Variants in LEPROT observed in about 807,000 individuals in gnomAD.
LEPROT encodes leptin receptor gene-related protein.
In LEPROT, 3 loss-of-function variants were observed where a neutral mutation model predicts 15.4. That is an observed-to-expected ratio of 0.19 (90% CI 0.09 to 0.50). The LOEUF is 0.50. LEPROT is among the 20% of genes least tolerant of loss of function. The pLI, the probability that LEPROT is intolerant of heterozygous loss-of-function variation, is 0.97. For synonymous variants in LEPROT, 59 were observed against 57.5 expected, an observed-to-expected ratio of 1.03 and a Z score of -0.12; for missense variants, 137 against 162.2, an observed-to-expected ratio of 0.84 and a Z score of 0.84.
chr1:65,425,256 A>G (rs750509668), intron 1 of LEPROT, 47 bp from the exon 2 acceptor site: 5 of 1,554,112 alleles, frequency 3.2e-6, no homozygotes, highest in Non-Finnish European at 8.9e-7. Flanking sequence ...CTAGTGCCTG[A>G]CAACCTCTAC....
At chr1:65,426,013 G>C (rs187169522) in intron 2 of LEPROT, among the ~76,000 whole-genome samples, 6 of 152,182 alleles carry the variant, frequency 3.9e-5, no homozygotes, top group African/African-American at 1.4e-4. Flanking sequence ...GTGTTTCAGT[G>C]GGGGAGACGG....
chr1:65,426,173 A>G (rs369762127), intron 2 of LEPROT, among the ~76,000 whole-genome samples: 1 of 152,206 alleles, frequency 6.6e-6, no homozygotes, highest in Non-Finnish European at 1.5e-5. Context: ...CAAGCAGGCC[A>G]TACAGATCTC....
rs888114647 is a variant in LEPROT, at chr1:65,434,977, G to A, written c.*3058G>A. The A allele has an allele frequency of 8.1e-6, 8 of 985,372 alleles. No individual in the cohort carries two copies. The African/African-American group carries it at 8.7e-5, about 11-fold the overall frequency. The allele number at this position is 985,372 out of a possible 1,614,324, so 61.0% of individuals were successfully genotyped here. On this transcript the variant is annotated 3_prime_UTR_variant, in exon 4 of 4. Coordinates refer to ENST00000371065, the MANE Select transcript of LEPROT (RefSeq NM_017526.5). ...TTCCTTTTGACACCTGCATTGGGCCGACTGCCATTCCCATGACTGCTGCAC... is the reference window on the plus strand; with the variant it reads ...TTCCTTTTGACACCTGCATTGGGCCAACTGCCATTCCCATGACTGCTGCAC...
In LEPROT at chr1:65,429,925, C is replaced by T; in HGVS notation, c.156C>T (p.Ala52=). The change falls in exon 3 of 4, where the codon GCC becomes GCT. Residue 52 remains alanine, a synonymous_variant. Coordinates refer to ENST00000371065, the MANE Select transcript of LEPROT (RefSeq NM_017526.5). The part of the protein sequence containing the change: ...HAISPIPHFI[A]KRVTYDSDAT... Reference sequence around the variant, plus strand: ...TCTCCCCCATCCCCCATTTCATTGCCAAAAGAGTCACCTATGACTCAGATG... The same window carrying T: ...TCTCCCCCATCCCCCATTTCATTGCTAAAAGAGTCACCTATGACTCAGATG... 1.3e-6 allele frequency: 2 copies of T among 1,554,010 alleles called. No individual in the cohort carries two copies. The highest frequency in any genetic ancestry group is 1.8e-6 in the Non-Finnish European group (2 of 1,137,138).
chr1:65,432,574 A>T lies in LEPROT; in HGVS notation c.*655A>T, dbSNP rs1406067970. 1.0e-6 allele frequency: 1 copy of T among 981,070 alleles called. No homozygotes were observed. The allele number at this position is 981,070 out of a possible 1,614,324, so 60.8% of individuals were successfully genotyped here. A position where few individuals can be genotyped will look rare whatever the true frequency, so the allele number is the denominator to read the frequency against. On this transcript the variant is annotated 3_prime_UTR_variant, in exon 4 of 4. Coordinates refer to ENST00000371065, the MANE Select transcript of LEPROT (RefSeq NM_017526.5). ...TTACCTGCTCATTTGTTTAAAAAAA[A>T]AAAAAAAGTCTCACCTGCTTTCATG...
chr1:65,427,480 G>A (rs911104132), intron 2 of LEPROT, among the ~76,000 whole-genome samples: 1 of 152,140 alleles, frequency 6.6e-6, no homozygotes, highest in African/African-American at 2.4e-5. Flanking sequence ...GATTGGTTGA[G>A]CCCAGGGGTT....
At position 65,435,749 on chromosome 1, in the gene LEPROT, C is replaced by T. The variant is rs1280137592; in HGVS notation, c.*3830C>T. ...TATTTATGAGGATGCTAGCATTTTC[C>T]AAGCATAGTAATTAGTTCACAACTG... On this transcript the variant is annotated 3_prime_UTR_variant, in exon 4 of 4. Transcript: ENST00000371065. The T allele has an allele frequency of 1.0e-6, 1 of 984,586 alleles. No homozygotes were observed. Among genetic ancestry groups the T allele is most frequent in the African/African-American group, 1.7e-5 (1 of 57,200 alleles). The allele number at this position is 984,586 out of a possible 1,614,324, so 61.0% of individuals were successfully genotyped here.
rs889330823 is a variant in LEPROT, at chr1:65,432,945, A to G, written c.*1026A>G. 22 of 984,022 alleles carry G rather than the reference A, an allele frequency of 2.2e-5. No homozygotes were observed. The African/African-American group carries it at 3.3e-4, about 15-fold the overall frequency. The allele number at this position is 984,022 out of a possible 1,614,324, so 61.0% of individuals were successfully genotyped here. On this transcript the variant is annotated 3_prime_UTR_variant, in exon 4 of 4. Coordinates refer to ENST00000371065, the MANE Select transcript of LEPROT (RefSeq NM_017526.5). ...AATAATTTGTCAATATATAATCAAA[A>G]TAAAAAACAAAACATACTCTCTCCC...
Position 65,425,307 on chromosome 1 carries a change from C to T in LEPROT, c.21C>T (p.Leu7=), listed in dbSNP as rs13306523. 7,020 of 1,612,392 alleles carry T rather than the reference C, an allele frequency of 4.4e-3. 206 individuals are homozygous for T. In the East Asian group the frequency reaches 0.058, roughly 13 times the overall value. The change falls in exon 2 of 4, where the codon CTC becomes CTT. Residue 7 remains leucine, a synonymous_variant. Coordinates refer to ENST00000371065, the MANE Select transcript of LEPROT (RefSeq NM_017526.5). ...TTTTGGCTTTATTTTTCACAGCTCT[C>T]GTGGCATTATCCTTCAGTGGGGCTA... MAGVKA[L]VALSFSGAIG...
intron 1 of LEPROT, chr1:65,421,514 A>G: frequency 6.5e-7 from 1 of 1,532,952 alleles, no homozygotes; most frequent in Non-Finnish European, 8.7e-7. Context: ...ACTTGTTTTT[A>G]TATTGGCTTT....
rs762374159 is a variant in LEPROT at position 65,421,484 on chromosome 1, C to T, written c.16+744C>T. 4.6e-6 allele frequency: 7 copies of T among 1,536,054 alleles called. 1 individual carries two copies. In the South Asian group the frequency reaches 7.1e-5, roughly 16 times the overall value. On this transcript the variant is annotated intron_variant, in intron 1 of 3. Transcript: ENST00000371065. ...GGTAGGAAAACATTCCATTTCTAAT[C>T]TGTCGAATAGAGTAGCATGACTTGT... is the stretch of plus-strand genomic sequence containing the variant.
At chr1:65,430,147 T>C in intron 3 of LEPROT, 99 bp downstream of exon 3, 2 of 1,051,274 alleles carry the variant, frequency 1.9e-6, no homozygotes, top group Non-Finnish European at 2.6e-6. Flanking sequence ...TTAGGCTTTA[T>C]ACTCAAGGCC....
intron 1 of LEPROT, 79 bp from the exon 2 acceptor site, chr1:65,425,224 A>G: frequency 8.3e-7 from 1 of 1,203,874 alleles, no homozygotes; most frequent in Non-Finnish European, 1.2e-6. Context: ...ATTAGAAGTC[A>G]CTCCCCATTT....
Position 65,432,953 on chromosome 1 carries a change from CAA to C in LEPROT, c.*1037_*1038del, listed in dbSNP as rs1361036646. On this transcript the variant is annotated 3_prime_UTR_variant, in exon 4 of 4. Coordinates refer to ENST00000371065, the MANE Select transcript of LEPROT (RefSeq NM_017526.5). ...GTCAATATATAATCAAAATAAAAAA[CAA>C]AACATACTCTCTCCCCCAAAAAAAC... is the stretch of plus-strand genomic sequence containing the variant. 1.0e-6 allele frequency: 1 copy of C among 984,546 alleles called. No homozygotes were observed. The highest frequency in any genetic ancestry group is 1.2e-6 in the Non-Finnish European group (1 of 829,404). The allele number at this position is 984,546 out of a possible 1,614,324, so 61.0% of individuals were successfully genotyped here.
Position 65,430,132 on chromosome 1 carries a change from A to G in LEPROT, c.279+84A>G, listed in dbSNP as rs372011974. On this transcript the variant is annotated intron_variant, in intron 3 of 3. Transcript: ENST00000371065. ...TGTCTGGGACCTCCATTTCATGCTC[A>G]TTACTTAGGCTTTATACTCAAGGCC... 62 of 1,227,942 alleles carry G rather than the reference A, an allele frequency of 5.0e-5. No homozygotes were observed. In the African/African-American group the frequency reaches 7.5e-4, roughly 15 times the overall value. The allele number at this position is 1,227,942 out of a possible 1,614,324, so 76.1% of individuals were successfully genotyped here.
chr1:65,434,959 T>C lies in LEPROT; in HGVS notation c.*3040T>C. 3.0e-6 allele frequency: 3 copies of C among 985,540 alleles called. No individual in the cohort carries two copies. Among genetic ancestry groups the C allele is most frequent in the Non-Finnish European group, 3.6e-6 (3 of 830,010 alleles). 61.0% of individuals were successfully genotyped at this position (985,540 alleles called of 1,614,324 possible). ...TCTTCTCCACATCTGAAATTCCTTT[T>C]GACACCTGCATTGGGCCGACTGCCA... On this transcript the variant is annotated 3_prime_UTR_variant, in exon 4 of 4. Transcript: ENST00000371065.
At position 65,433,078 on chromosome 1, in the gene LEPROT, C is replaced by G; in HGVS notation, c.*1159C>G. On this transcript the variant is annotated 3_prime_UTR_variant, in exon 4 of 4. Coordinates refer to ENST00000371065, the MANE Select transcript of LEPROT (RefSeq NM_017526.5). ...GCAGGGAGGCTGGGCTCGAGCCAGC[C>G]CCTGCGTTAGCAGGAGGGGGAGAAC... 1.0e-6 allele frequency: 1 copy of G among 985,186 alleles called. No homozygotes were observed. Among genetic ancestry groups the G allele is most frequent in the Non-Finnish European group, 1.2e-6 (1 of 829,784 alleles). 61.0% of individuals were successfully genotyped at this position (985,186 alleles called of 1,614,324 possible).
At position 65,425,523 on chromosome 1, in the gene LEPROT, G is replaced by A. The variant is rs538183808; in HGVS notation, c.92+145G>A. Reference sequence around the variant, plus strand: ...AGTTTATGAACACAGTCCCTTTGTGGGTCAGGTGTACTTTTGCAGAGGGCT... The same window carrying A: ...AGTTTATGAACACAGTCCCTTTGTGAGTCAGGTGTACTTTTGCAGAGGGCT... On this transcript the variant is annotated intron_variant, in intron 2 of 3. Coordinates refer to ENST00000371065, the MANE Select transcript of LEPROT (RefSeq NM_017526.5). 3.6e-5 allele frequency: 22 copies of A among 614,104 alleles called. 1 individual carries two copies. The South Asian group carries it at 5.2e-4, about 15-fold the overall frequency. 38.0% of individuals were successfully genotyped at this position (614,104 alleles called of 1,614,324 possible). A position where few individuals can be genotyped will look rare whatever the true frequency, so the allele number is the denominator to read the frequency against.
Position 65,434,242 on chromosome 1 carries a change from T to G in LEPROT, c.*2323T>G, listed in dbSNP as rs1030394598. On this transcript the variant is annotated 3_prime_UTR_variant, in exon 4 of 4. Transcript: ENST00000371065. ...AAACAGTAAATATTAATAGGAAATA[T>G]TGCTATATCTGAATATATAATACAA... 2 of 978,464 alleles carry G rather than the reference T, an allele frequency of 2.0e-6. No individual in the cohort carries two copies. Among genetic ancestry groups the G allele is most frequent in the African/African-American group, 3.5e-5 (2 of 57,062 alleles). The allele number at this position is 978,464 out of a possible 1,614,324, so 60.6% of individuals were successfully genotyped here. A position where few individuals can be genotyped will look rare whatever the true frequency, so the allele number is the denominator to read the frequency against.
Sources: gnomAD v4.1 joint callset for allele counts (sites outside exome capture counted in the v4.1 genomes callset) on GRCh38, gnomAD v4.1.1 for gene constraint, MANE v1.5 for transcripts, NCBI Gene and HGNC (gene_info 2026-07-23, HGNC 2026-07-21) for gene names.